Variants in GNAL observed in about 807,000 individuals in gnomAD.
GNAL encodes G protein subunit alpha L.
In GNAL, 18 loss-of-function variants were observed where a neutral mutation model predicts 55.1. The ratio of observed to expected loss-of-function variants is 0.33; its 90% CI spans 0.23 to 0.48. The LOEUF (loss-of-function observed/expected upper bound fraction) is 0.48, where lower values mean the gene tolerates loss of function less well. GNAL is among the 20% of genes least tolerant of loss of function. The pLI is 0.99. For synonymous variants in GNAL, 253 were observed against 237.0 expected (o/e 1.07, Z -0.62); for missense variants, 412 against 614.1 (o/e 0.67, Z 3.48).
rs2035854560 is a variant in GNAL at position 11,851,280 on chromosome 18, T to G, written c.723-11115T>G. 6.0e-6 allele frequency: 3 copies of G among 500,694 alleles called. No individual in the cohort carries two copies. In the Admixed American group the frequency reaches 1.2e-4, roughly 19 times the overall value. 31.0% of individuals were successfully genotyped at this position (500,694 alleles called of 1,614,324 possible). On this transcript the variant is annotated intron_variant, in intron 5 of 11. Coordinates refer to ENST00000334049, the MANE Select transcript of GNAL (RefSeq NM_182978.4). ...CCGGAGCGTCCAGCCAGAATCCCCC[T>G]GCATGCGCAGCCCCTGGCGTCTTAC...
intron 8 of GNAL, 141 bp downstream of exon 8, chr18:11,867,367 A>G (rs34093540): frequency 6.0e-6 from 4 of 666,526 alleles, no homozygotes; most frequent in Admixed American, 2.9e-5. Context: ...CCTTCCTTAG[A>G]TACTAATCTC....
chr18:11,861,666 A>G (rs545423761), intron 5 of GNAL, among the ~76,000 whole-genome samples: 3 of 152,214 alleles, frequency 2.0e-5, no homozygotes, highest in African/African-American at 7.2e-5. Context: ...CAGGAGAGGG[A>G]GCTCGGCGGC....
At chr18:11,690,072 A>G (rs971560071) in intron 1 of GNAL, 133 bp downstream of exon 1, 2 of 434,618 alleles carry the variant, frequency 4.6e-6, no homozygotes, top group Admixed American at 9.7e-5. Flanking sequence ...CCGGGACTGG[A>G]CCCGGACGGG....
chr18:11,749,138 A>C (rs28434010), intron 1 of GNAL, among the ~76,000 whole-genome samples: 46,207 of 148,102 alleles, frequency 0.31, 8,308 homozygotes, highest in African/African-American at 0.46. Context: ...AAAAAAAAAA[A>C]AAAAAAAAAA....
chr18:11,877,348 T>G lies in GNAL; in HGVS notation c.1230+660T>G, dbSNP rs569009130. 2.1e-3 allele frequency among the ~76,000 whole-genome samples: 322 copies of G among 152,098 alleles called. 1 individual carries two copies. Among genetic ancestry groups the G allele is most frequent in the African/African-American group, 7.4e-3 (309 of 41,490 alleles). ...CATGCGCCTGTAATCCCAGCTACTC[T>G]GGAGGCTGAGGCAGGAGAATTGCTG... On this transcript the variant is annotated intron_variant, in intron 11 of 11. Coordinates refer to ENST00000334049, the MANE Select transcript of GNAL (RefSeq NM_182978.4).
intron 5 of GNAL, among the ~76,000 whole-genome samples, chr18:11,842,258 G>A (rs749907650): frequency 1.3e-5 from 2 of 152,066 alleles, no homozygotes; most frequent in Non-Finnish European, 2.9e-5. Flanking sequence ...TGGGATTACA[G>A]GCATGAGCCA....
chr18:11,739,233 G>C (rs2032523374), intron 1 of GNAL, among the ~76,000 whole-genome samples: 1 of 152,154 alleles, frequency 6.6e-6, no homozygotes, highest in Non-Finnish European at 1.5e-5. Context: ...GACTTCAAAG[G>C]TTTCCTAAAT....
At chr18:11,794,978 G>A (rs1203623899) in intron 4 of GNAL, among the ~76,000 whole-genome samples, 1 of 152,054 alleles carries the variant, frequency 6.6e-6, no homozygotes. Flanking sequence ...GAGTAGCTGG[G>A]ATTACCGGCG....
chr18:11,864,425 G>A (rs188923463), intron 6 of GNAL, 108 bp from the exon 7 acceptor site: 2 of 740,730 alleles, frequency 2.7e-6, no homozygotes, highest in African/African-American at 3.4e-5. Context: ...TTCCTTTACA[G>A]TGGAACAAAT....
Position 11,881,556 on chromosome 18 carries a change from A to T in GNAL, c.*421A>T, listed in dbSNP as rs2036694471. 1 of 156,522 alleles carries T rather than the reference A, an allele frequency of 6.4e-6. No homozygotes were observed. The highest frequency in any genetic ancestry group is 1.4e-5 in the Non-Finnish European group (1 of 70,582). 9.7% of individuals were successfully genotyped at this position (156,522 alleles called of 1,614,324 possible). A position where few individuals can be genotyped will look rare whatever the true frequency, so the allele number is the denominator to read the frequency against. On this transcript the variant is annotated 3_prime_UTR_variant, in exon 12 of 12. Coordinates refer to ENST00000334049, the MANE Select transcript of GNAL (RefSeq NM_182978.4). The surrounding 1 kb of genome is among the most constrained non-coding windows in gnomAD (Gnocchi z 4.8). Reference sequence around the variant, plus strand: ...GGCCGTCTCTGATTCTCCCTTTATGAAGCTGCAGGCTGACGAGAGATGGTC... The same window carrying T: ...GGCCGTCTCTGATTCTCCCTTTATGTAGCTGCAGGCTGACGAGAGATGGTC...
intron 11 of GNAL, among the ~76,000 whole-genome samples, chr18:11,878,356 T>C (rs1416874950): frequency 6.6e-6 from 1 of 151,900 alleles, no homozygotes; most frequent in Non-Finnish European, 1.5e-5. Flanking sequence ...GAGGCTGAGG[T>C]GGGAGGATCC....
At chr18:11,748,427 C>T (rs1381656471) in intron 1 of GNAL, among the ~76,000 whole-genome samples, 5 of 152,170 alleles carry the variant, frequency 3.3e-5, no homozygotes, top group Non-Finnish European at 5.9e-5. Flanking sequence ...AAGGATTTAA[C>T]CCAGTGCCAG....
intron 1 of GNAL, among the ~76,000 whole-genome samples, chr18:11,747,944 G>A (rs964718047): frequency 3.3e-5 from 5 of 152,250 alleles, no homozygotes; most frequent in African/African-American, 1.2e-4. Context: ...TGCTGCTGCG[G>A]TTGCCTAGCA....
At chr18:11,775,452 G>A (rs1324089604) in intron 4 of GNAL, among the ~76,000 whole-genome samples, 1 of 152,238 alleles carries the variant, frequency 6.6e-6, no homozygotes, top group Non-Finnish European at 1.5e-5. Context: ...CCACCATGGC[G>A]GTCCCCTGAC....
intron 5 of GNAL, chr18:11,851,436 G>C: frequency 6.9e-7 from 1 of 1,443,734 alleles, no homozygotes; most frequent in East Asian, 2.5e-5. Flanking sequence ...CGGCGGCCGG[G>C]AGCGGACTTA....
intron 5 of GNAL, among the ~76,000 whole-genome samples, chr18:11,855,759 G>A (rs2035991665): frequency 6.6e-6 from 1 of 152,136 alleles, no homozygotes; most frequent in Admixed American, 6.5e-5. Flanking sequence ...GATCATCTGA[G>A]GTTGGAAGTT....
chr18:11,690,583 A>C (rs796743273), intron 1 of GNAL, among the ~76,000 whole-genome samples: 2 of 147,420 alleles, frequency 1.4e-5, no homozygotes, highest in African/African-American at 2.5e-5. Flanking sequence ...AGCATTAGGT[A>C]TATCTCCTAA....
chr18:11,751,422 G>A lies in GNAL; in HGVS notation c.377-1431G>A. ...GCACTGCACAGGAGAAACGGGGGCT[G>A]GAGGTAAAGACAGGAGGCTCGGGAG... On this transcript the variant is annotated intron_variant, in intron 1 of 11. Coordinates refer to ENST00000334049, the MANE Select transcript of GNAL (RefSeq NM_182978.4). This position sits in a 1 kb window ranked among gnomAD's most constrained non-coding sequence, Gnocchi z 4.5. 1.4e-6 allele frequency: 1 copy of A among 723,406 alleles called. No homozygotes were observed. 44.8% of individuals were successfully genotyped at this position (723,406 alleles called of 1,614,324 possible). A position where few individuals can be genotyped will look rare whatever the true frequency, so the allele number is the denominator to read the frequency against.
chr18:11,713,243 C>T (rs913393110), intron 1 of GNAL, among the ~76,000 whole-genome samples: 5 of 152,146 alleles, frequency 3.3e-5, no homozygotes, highest in Non-Finnish European at 7.3e-5. Flanking sequence ...CACTTGTGTT[C>T]GGCAGACTCA....
Sources: gnomAD v4.1 joint callset for allele counts (sites outside exome capture counted in the v4.1 genomes callset) on GRCh38, gnomAD v4.1.1 for gene constraint, Gnocchi (gnomAD v3.1) non-coding constraint, MANE v1.5 for transcripts, NCBI Gene and HGNC (gene_info 2026-07-23, HGNC 2026-07-21) for gene names.